The following USH1C variants were observed in gnomAD, a reference collection of about 807,000 sequenced individuals.
USH1C encodes harmonin.
USH1C carries 90 observed loss-of-function variants against 119.3 expected under a neutral mutation model. The ratio of observed to expected loss-of-function variants is 0.75; its 90% CI spans 0.64 to 0.90. USH1C has a LOEUF of 0.90. Ranked by LOEUF, USH1C falls within the 40% of genes least tolerant of loss-of-function variation. The pLI is 0.00. For synonymous variants in USH1C, 465 were observed against 443.3 expected, an observed-to-expected ratio of 1.05 and a Z score of -0.62; for missense variants, 1,165 against 1,167.7, an observed-to-expected ratio of 1.00 and a Z score of 0.03.
Position 17,509,674 on chromosome 11 carries a change from G to C in USH1C, c.1695C>G (p.Pro565=). The change falls in exon 18 of 27, where the codon CCC becomes CCG. Residue 565 remains proline, a synonymous_variant. Coordinates refer to ENST00000005226, the MANE Select transcript of USH1C (RefSeq NM_153676.4). The part of the protein sequence containing the change: ...PKTPSALPVM[P]HPPPSNPPHK... ...GGGGTGGGTTGGAGGGTGGAGGGTGGGGCATCACAGGCAAGGCAGAGGGAG... is the reference window on the plus strand; with the variant it reads ...GGGGTGGGTTGGAGGGTGGAGGGTGCGGCATCACAGGCAAGGCAGAGGGAG... 6.3e-7 allele frequency: 1 copy of C among 1,596,032 alleles called. No individual in the cohort carries two copies. The highest frequency in any genetic ancestry group is 1.1e-5 in the South Asian group (1 of 89,600).
chr11:17,534,173 C>T (rs1422657497), intron 1 of USH1C, among the ~76,000 whole-genome samples: 1 of 152,242 alleles, frequency 6.6e-6, no homozygotes, highest in Non-Finnish European at 1.5e-5. Context: ...GGGTCCCTCT[C>T]TCCTCCAGCC....
chr11:17,504,939 C>T (rs543766109), intron 19 of USH1C, among the ~76,000 whole-genome samples: 16 of 152,358 alleles, frequency 1.1e-4, no homozygotes, highest in South Asian at 4.1e-4. Flanking sequence ...CAGGCTGTCC[C>T]AGGAGCAAAA....
rs375568824 is a variant in USH1C, at chr11:17,509,769, C to T, written c.1600G>A (p.Gly534Ser). The T allele has an allele frequency of 5.5e-5, 88 of 1,599,528 alleles. No homozygotes were observed. The highest frequency in any genetic ancestry group is 7.3e-5 in the Non-Finnish European group (86 of 1,179,338). Residue 534 changes from glycine (G) to serine (S), a missense_variant, in exon 18 of 27, where the codon GGC becomes AGC. Gly to Ser is a moderately conservative substitution (Grantham distance 56, BLOSUM62 0). Coordinates refer to ENST00000005226, the MANE Select transcript of USH1C (RefSeq NM_153676.4). ...TCAGTGGTGTGCAGGTGCAGTCCGCCTGCGAAGCGTCTCAAGGGTGGGGCC... is the reference window on the plus strand; with the variant it reads ...TCAGTGGTGTGCAGGTGCAGTCCGCTTGCGAAGCGTCTCAAGGGTGGGGCC... ...PLAPPLRRFA[G>S]GLHLHTTDLD...
chr11:17,495,427 A>C (rs1268264726), intron 26 of USH1C, 142 bp downstream of exon 26: 5 of 867,644 alleles, frequency 5.8e-6, no homozygotes, highest in Non-Finnish European at 9.8e-6. Flanking sequence ...GGCCAACAGC[A>C]GGCCCCAGGC....
chr11:17,531,277 C>G lies in USH1C; in HGVS notation c.264G>C (p.Val88=), dbSNP rs397517879. Residue 88 remains valine (V), a synonymous_variant, in exon 4 of 27, where the codon GTG becomes GTC. Transcript: ENST00000005226. The surrounding 1 kb of genome is among the most constrained non-coding windows in gnomAD (Gnocchi z 4.2). ...CTTCGGGGTGCAGACGGTCCAGACG[C>G]ACCTCCTTCAGCTTCCTGCCACACA... The part of the protein sequence containing the change: ...TPRRSRKLKE[V]RLDRLHPEGL... 1 of 1,614,144 alleles carries G rather than the reference C, an allele frequency of 6.2e-7. No homozygotes were observed. The highest frequency in any genetic ancestry group is 2.2e-5 in the East Asian group (1 of 44,876).
rs115678883 is a variant in USH1C, at chr11:17,526,637, A to G, written c.579+116T>C. On this transcript the variant is annotated intron_variant, in intron 7 of 26. Coordinates refer to ENST00000005226, the MANE Select transcript of USH1C (RefSeq NM_153676.4). The stretch of plus-strand genomic sequence containing the variant: ...ACAGCGGTGTGCTGGCTGCCCTGGG[A>G]GCCTGTGTGAAGCCCCTGAGGGTGC... 6,317 of 1,272,542 alleles carry G rather than the reference A, an allele frequency of 5.0e-3. 220 individuals carry two copies. In the African/African-American group the frequency reaches 0.077, roughly 15 times the overall value. The allele number at this position is 1,272,542 out of a possible 1,614,324, so 78.8% of individuals were successfully genotyped here. A position where few individuals can be genotyped will look rare whatever the true frequency, so the allele number is the denominator to read the frequency against.
chr11:17,527,396 C>T (rs978961825), intron 4 of USH1C, 65 bp from the exon 5 acceptor site: 10 of 1,240,138 alleles, frequency 8.1e-6, no homozygotes, highest in Non-Finnish European at 1.2e-5. Flanking sequence ...GGCAGACTCA[C>T]CACCAGATGC....
At chr11:17,534,453 G>A (rs1169945267) in intron 1 of USH1C, among the ~76,000 whole-genome samples, 1 of 152,184 alleles carries the variant, frequency 6.6e-6, no homozygotes, top group Non-Finnish European at 1.5e-5. Flanking sequence ...AAATCAGACT[G>A]AGCATTTCAT....
rs776356060 is a variant in USH1C, at chr11:17,501,475, CA to C, written c.2280+6del. On this transcript the variant is annotated splice_donor_region_variant and intron_variant, in intron 22 of 26. Coordinates refer to ENST00000005226, the MANE Select transcript of USH1C (RefSeq NM_153676.4). ...GGCGGCCCACCGGCCTCCACATGCC[CA>C]GGTACCTTCTTGATGCGTAGGAGCC... 289 of 1,612,566 alleles carry C rather than the reference CA, an allele frequency of 1.8e-4. No homozygotes were observed. The highest frequency in any genetic ancestry group is 1.9e-4 in the Non-Finnish European group (228 of 1,179,428).
At chr11:17,506,621 C>T (rs1452364766) in intron 18 of USH1C, among the ~76,000 whole-genome samples, 1 of 152,240 alleles carries the variant, frequency 6.6e-6, no homozygotes, top group Non-Finnish European at 1.5e-5. Context: ...CCACGCTCCT[C>T]ACACTGCCTA....
chr11:17,515,178 C>A (rs1850087404), intron 15 of USH1C, among the ~76,000 whole-genome samples: 1 of 152,040 alleles, frequency 6.6e-6, no homozygotes, highest in African/African-American at 2.4e-5. Flanking sequence ...CAAAGTCAGC[C>A]TGTCAAGGGA....
intron 1 of USH1C, chr11:17,533,951 C>A (rs11024319): frequency 0.44 from 129,534 of 296,108 alleles, 29,098 homozygotes; most frequent in African/African-American, 0.53. Context: ...GCAGGGGGAG[C>A]GTCAGGTTAC....
chr11:17,494,514 G>A, intron 26 of USH1C, 138 bp from the exon 27 acceptor site: 1 of 958,030 alleles, frequency 1.0e-6, no homozygotes, highest in Non-Finnish European at 1.6e-6. Flanking sequence ...ACCCCTCTGG[G>A]TGCAGGCCCC....
intron 1 of USH1C, among the ~76,000 whole-genome samples, chr11:17,541,783 A>C (rs1592044514): frequency 6.6e-6 from 1 of 152,250 alleles, no homozygotes; most frequent in Non-Finnish European, 1.5e-5. Flanking sequence ...GACACTCTGC[A>C]GGTATCAGCT....
rs768439569 is a variant in USH1C at position 17,523,481 on chromosome 11, G to A, written c.760-3C>T. Reference sequence around the variant, plus strand: ...ACTTCGACAATCTGGTCCCCTATCTGGTGGGGAAATGGAGAAAGATTAGTG... The same window carrying A: ...ACTTCGACAATCTGGTCCCCTATCTAGTGGGGAAATGGAGAAAGATTAGTG... On this transcript the variant is annotated splice_polypyrimidine_tract_variant and splice_region_variant and intron_variant, in intron 9 of 26. Transcript: ENST00000005226. 9 of 1,614,104 alleles carry A rather than the reference G, an allele frequency of 5.6e-6. No homozygotes were observed. The highest frequency in any genetic ancestry group is 6.8e-6 in the Non-Finnish European group (8 of 1,179,966).
At chr11:17,504,532 C>A in intron 20 of USH1C, 115 bp downstream of exon 20, 1 of 1,164,846 alleles carries the variant, frequency 8.6e-7, no homozygotes, top group Non-Finnish European at 1.3e-6. Context: ...GGCTTGGTGG[C>A]AGATGGGGCC....
chr11:17,526,974 G>A, intron 6 of USH1C, 42 bp downstream of exon 6: 1 of 1,563,254 alleles, frequency 6.4e-7, no homozygotes, highest in Non-Finnish European at 8.7e-7. Context: ...AGGATCCTGG[G>A]CCCACAGGGA....
chr11:17,522,515 C>T (rs1850456182), intron 12 of USH1C, among the ~76,000 whole-genome samples: 2 of 152,230 alleles, frequency 1.3e-5, no homozygotes, highest in Non-Finnish European at 2.9e-5. Context: ...TCCTAGCTAG[C>T]TAGAGCCTAC....
At chr11:17,501,239 G>GT in intron 22 of USH1C, 89 bp from the exon 23 acceptor site, 2 of 1,194,946 alleles carry the variant, frequency 1.7e-6, no homozygotes, top group Non-Finnish European at 2.4e-6. Context: ...CAGAGCCACA[G>GT]TAAGAGTGGA....
Sources: allele counts gnomAD v4.1 joint callset (sites outside exome capture counted in the v4.1 genomes callset), GRCh38; gene constraint gnomAD v4.1.1; non-coding constraint Gnocchi (gnomAD v3.1); transcripts MANE v1.5; gene names NCBI Gene and HGNC (gene_info 2026-07-23, HGNC 2026-07-21).